Variants in SCHIP1 observed in about 807,000 individuals in gnomAD.
The protein encoded by SCHIP1 is schwannomin interacting protein 1, also known as schwannomin-interacting protein 1.
A neutral mutation model predicts 29.7 loss-of-function variants in SCHIP1; 8 were observed. The ratio of observed to expected loss-of-function variants is 0.27; its 90% CI spans 0.16 to 0.49. The LOEUF is 0.49. SCHIP1 is among the 20% of genes least tolerant of loss of function. SCHIP1 has a pLI of 0.99. For missense variants in SCHIP1, 193 were observed against 294.6 expected (o/e 0.66, Z 2.52); for synonymous variants, 76 against 94.9 (o/e 0.80, Z 1.16).
chr3:159,757,352 C>G, the SCHIP1 span, among the ~76,000 whole-genome samples: 1,243 of 152,296 alleles, frequency 8.2e-3, 15 homozygotes, highest in African/African-American at 0.029. Context: ...TTAAAACCAT[C>G]AGATCTCATG....
the SCHIP1 span, among the ~76,000 whole-genome samples, chr3:159,311,829 T>A: frequency 6.6e-6 from 1 of 152,190 alleles, no homozygotes; most frequent in East Asian, 1.9e-4. Flanking sequence ...TATTTATGTC[T>A]CATTCACTCC....
At chr3:159,875,791 C>T (rs892666575) in intron 2 of SCHIP1, among the ~76,000 whole-genome samples, 3 of 152,054 alleles carry the variant, frequency 2.0e-5, no homozygotes, top group South Asian at 2.1e-4. Flanking sequence ...GATTATTGCA[C>T]GCATTAAAAA....
At chr3:159,671,181 C>T in the SCHIP1 span, among the ~76,000 whole-genome samples, 713 of 152,250 alleles carry the variant, frequency 4.7e-3, 8 homozygotes, top group African/African-American at 0.016. Context: ...TTCCTCAATA[C>T]CATCCCCCAG....
intron 5 of SCHIP1, among the ~76,000 whole-genome samples, chr3:159,889,511 G>T (rs1414429214): frequency 1.3e-5 from 2 of 152,204 alleles, no homozygotes; most frequent in Non-Finnish European, 2.9e-5. Context: ...CAGAGAATAG[G>T]CAGTTAGTTG....
At chr3:159,309,142 AAATT>A in the SCHIP1 span, 1 of 187,842 alleles carries the variant, frequency 5.3e-6, no homozygotes, top group African/African-American at 2.7e-5. Flanking sequence ...ATAAAAGTTA[AAATT>A]AAAAAAAAAC....
intron 2 of SCHIP1, among the ~76,000 whole-genome samples, chr3:159,870,949 A>G (rs1715192409): frequency 6.6e-6 from 1 of 152,032 alleles, no homozygotes; most frequent in Non-Finnish European, 1.5e-5. Flanking sequence ...TGCTTTAACG[A>G]CAGCTTCCAT....
At chr3:159,499,090 G>A in the SCHIP1 span, among the ~76,000 whole-genome samples, 3 of 152,106 alleles carry the variant, frequency 2.0e-5, no homozygotes, top group African/African-American at 4.8e-5. Context: ...ACACCTTTGA[G>A]ATTAACCATT....
chr3:159,592,409 T>C, the SCHIP1 span, among the ~76,000 whole-genome samples: 23 of 146,138 alleles, frequency 1.6e-4, no homozygotes, highest in African/African-American at 6.4e-4. Flanking sequence ...CTTCCAAACT[T>C]CTTAACACAC....
the SCHIP1 span, chr3:159,721,414 T>C: frequency 6.6e-6 from 1 of 152,274 alleles, no homozygotes; most frequent in Non-Finnish European, 1.5e-5. Context: ...AAGTCTGTTT[T>C]TGGAACTGTC....
At chr3:159,705,259 C>G in the SCHIP1 span, among the ~76,000 whole-genome samples, 1 of 151,918 alleles carries the variant, frequency 6.6e-6, no homozygotes, top group Non-Finnish European at 1.5e-5. Flanking sequence ...CCACGGTGCC[C>G]GGACAACAAT....
chr3:159,429,182 A>T, the SCHIP1 span, among the ~76,000 whole-genome samples: 1 of 151,166 alleles, frequency 6.6e-6, no homozygotes, highest in East Asian at 1.9e-4. Context: ...GTACCCTAAA[A>T]CTTAAAGTAT....
chr3:159,402,533 A>G, the SCHIP1 span, among the ~76,000 whole-genome samples: 4 of 152,210 alleles, frequency 2.6e-5, no homozygotes, highest in East Asian at 7.7e-4. Context: ...AACCAACCCA[A>G]ATGTCCAAAC....
chr3:159,415,340 C>T, the SCHIP1 span, among the ~76,000 whole-genome samples: 1 of 151,940 alleles, frequency 6.6e-6, no homozygotes, highest in East Asian at 1.9e-4. Context: ...TGAGAAGGTT[C>T]GTTATATAGG....
At chr3:159,638,129 T>C in the SCHIP1 span, among the ~76,000 whole-genome samples, 21,455 of 152,192 alleles carry the variant, frequency 0.14, 4,118 homozygotes, top group African/African-American at 0.43. Context: ...CAGCTAAGAT[T>C]TGGACTGGCC....
chr3:159,313,551 C>T, the SCHIP1 span, among the ~76,000 whole-genome samples: 1 of 152,166 alleles, frequency 6.6e-6, no homozygotes, highest in Non-Finnish European at 1.5e-5. Flanking sequence ...ATTTTAGATT[C>T]ACAAGAGTTG....
At chr3:159,749,849 A>G in the SCHIP1 span, among the ~76,000 whole-genome samples, 1 of 152,352 alleles carries the variant, frequency 6.6e-6, no homozygotes, top group African/African-American at 2.4e-5. Flanking sequence ...TGAACGTATT[A>G]TAGTATAATA....
chr3:159,401,161 T>C, the SCHIP1 span: 1 of 978,530 alleles, frequency 1.0e-6, no homozygotes, highest in Non-Finnish European at 1.2e-6. Context: ...ATATTCATTC[T>C]CCTATCTCCA....
chr3:159,282,868 T>G, the SCHIP1 span: 8 of 152,264 alleles, frequency 5.3e-5, no homozygotes, highest in African/African-American at 1.9e-4. Context: ...TATGATGAAT[T>G]TTAATATCTA....
chr3:159,857,291 A>G (rs1483216313), intron 1 of SCHIP1, among the ~76,000 whole-genome samples: 1 of 152,192 alleles, frequency 6.6e-6, no homozygotes, highest in Non-Finnish European at 1.5e-5. Context: ...TCACACACAC[A>G]TGCACACAAA....
Sources: allele counts gnomAD v4.1 joint callset (sites outside exome capture counted in the v4.1 genomes callset), GRCh38; gene constraint gnomAD v4.1.1; transcripts MANE v1.5; gene names NCBI Gene and HGNC (gene_info 2026-07-23, HGNC 2026-07-21).